The following CNTRL variants were observed in gnomAD, a reference collection of about 807,000 sequenced individuals.
The protein encoded by CNTRL is 110 kDa centrosomal protein.
Under a neutral mutation model 303.7 loss-of-function variants are expected in CNTRL, and 233 were observed. That is an observed-to-expected ratio of 0.77 (90% CI 0.69 to 0.86). The LOEUF (loss-of-function observed/expected upper bound fraction) is 0.86. Ranked by LOEUF, CNTRL falls within the 40% of genes least tolerant of loss-of-function variation. The pLI is 0.00. For missense variants in CNTRL, 2,524 were observed against 2,650.6 expected (o/e 0.95, Z 1.05); for synonymous variants, 900 against 922.2 (o/e 0.98, Z 0.44).
In CNTRL at chr9:121,090,391, G is replaced by A. The variant is rs775053654; in HGVS notation, c.334G>A (p.Gly112Ser). 6.2e-7 allele frequency: 1 copy of A among 1,610,166 alleles called. No individual in the cohort carries two copies. Among genetic ancestry groups the A allele is most frequent in the Non-Finnish European group, 8.5e-7 (1 of 1,178,592 alleles). The part of the protein sequence containing the change: ...SLNLSLSKDG[G>S]KKFKYIENLE... ...GAACCTTTCACTTTCTAAAGACGGT[G>A]GCAAGAAATTTAAGGTAGGTTACCA... Residue 112 changes from glycine to serine, a missense_variant, in exon 4 of 44, where the codon GGC becomes AGC. Physicochemically the swap from Gly to Ser is moderately conservative, Grantham distance 56. Coordinates refer to ENST00000373855, the MANE Select transcript of CNTRL (RefSeq NM_007018.6).
intron 14 of CNTRL, 75 bp from the exon 15 acceptor site, chr9:121,135,731 G>A (rs2051151003): frequency 5.7e-6 from 8 of 1,395,440 alleles, no homozygotes; most frequent in Non-Finnish European, 7.7e-6. Flanking sequence ...CAGTGCTCAA[G>A]TTACTTATAA....
intron 34 of CNTRL, among the ~76,000 whole-genome samples, chr9:121,162,862 G>T (rs1284056568): frequency 6.6e-6 from 1 of 152,088 alleles, no homozygotes; most frequent in Non-Finnish European, 1.5e-5. Flanking sequence ...CAATGGAACA[G>T]AATAGAAAGT....
At chr9:121,119,658 G>A (rs950397298) in intron 12 of CNTRL, among the ~76,000 whole-genome samples, 4 of 151,592 alleles carry the variant, frequency 2.6e-5, no homozygotes, top group Non-Finnish European at 5.9e-5. Context: ...ACCACACCCA[G>A]CTAATTTTTG....
chr9:121,082,841 G>A (rs575401302), intron 2 of CNTRL, among the ~76,000 whole-genome samples: 2 of 151,946 alleles, frequency 1.3e-5, no homozygotes, highest in African/African-American at 4.8e-5. Flanking sequence ...GTGGTGGCAC[G>A]TGCCTGTAGT....
At chr9:121,124,729 G>A (rs1029490580) in intron 13 of CNTRL, among the ~76,000 whole-genome samples, 7 of 150,636 alleles carry the variant, frequency 4.6e-5, no homozygotes, top group African/African-American at 1.5e-4. Context: ...TTTGAGCCCA[G>A]GAGTTCGAGA....
intron 29 of CNTRL, 47 bp from the exon 30 acceptor site, chr9:121,157,936 G>A (rs1020391982): frequency 1.9e-6 from 3 of 1,613,680 alleles, no homozygotes; most frequent in Non-Finnish European, 2.5e-6. Flanking sequence ...CAGCTCTGGG[G>A]TTCCGAGTCC....
intron 12 of CNTRL, among the ~76,000 whole-genome samples, chr9:121,122,886 T>C (rs1469085562): frequency 6.6e-6 from 1 of 152,104 alleles, no homozygotes; most frequent in Non-Finnish European, 1.5e-5. Flanking sequence ...TAAGTGTAGT[T>C]GTAGAGGGGT....
At chr9:121,169,484 T>C (rs1360588579) in intron 38 of CNTRL, 127 bp from the exon 39 acceptor site, 2 of 908,886 alleles carry the variant, frequency 2.2e-6, no homozygotes, top group East Asian at 5.2e-5. Flanking sequence ...TTGTACGACT[T>C]TGTAATGGAG....
intron 14 of CNTRL, among the ~76,000 whole-genome samples, chr9:121,133,833 C>G (rs1013171578): frequency 3.3e-5 from 5 of 152,148 alleles, no homozygotes; most frequent in African/African-American, 4.8e-5. Flanking sequence ...TTTTCCTGAA[C>G]CATTTGGAAA....
chr9:121,173,533 C>G lies in CNTRL; in HGVS notation c.6684+24C>G, dbSNP rs771872350. Reference sequence around the variant, plus strand: ...TGGTAAGGGTTTATCCTGCTATTCTCTGGGTTCGTAGGATTGACCACCTCC... The same window carrying G: ...TGGTAAGGGTTTATCCTGCTATTCTGTGGGTTCGTAGGATTGACCACCTCC... On this transcript the variant is annotated intron_variant, in intron 41 of 43. Transcript: ENST00000373855. 8.1e-6 allele frequency: 13 copies of G among 1,611,074 alleles called. No individual in the cohort carries two copies. The Admixed American group carries it at 1.5e-4, about 19-fold the overall frequency.
intron 9 of CNTRL, among the ~76,000 whole-genome samples, 169 bp downstream of exon 9, chr9:121,112,747 G>A (rs1018657032): frequency 2.0e-5 from 3 of 152,118 alleles, no homozygotes; most frequent in East Asian, 1.9e-4. Context: ...ATTTGGCTCC[G>A]GGAGTTAGAA....
intron 27 of CNTRL, among the ~76,000 whole-genome samples, chr9:121,156,341 A>T (rs1258036436): frequency 6.6e-6 from 1 of 152,164 alleles, no homozygotes; most frequent in Non-Finnish European, 1.5e-5. Context: ...CTTGGTAAGA[A>T]GGAGGAGGAG....
chr9:121,094,721 T>C (rs935062216), intron 4 of CNTRL, among the ~76,000 whole-genome samples, 167 bp from the exon 5 acceptor site: 8 of 152,136 alleles, frequency 5.3e-5, no homozygotes, highest in Admixed American at 3.3e-4. Flanking sequence ...AGTAGAGTTA[T>C]TACTCCTAGT....
At chr9:121,088,891 T>G (rs868173091) in intron 3 of CNTRL, among the ~76,000 whole-genome samples, 1 of 152,274 alleles carries the variant, frequency 6.6e-6, no homozygotes, top group African/African-American at 2.4e-5. Context: ...AAAAAAACGT[T>G]ATACATACTT....
intron 25 of CNTRL, among the ~76,000 whole-genome samples, chr9:121,151,547 C>T (rs561632445): frequency 3.9e-5 from 6 of 151,922 alleles, no homozygotes; most frequent in South Asian, 2.1e-4. Context: ...TACGCCACCA[C>T]GCCTGGCTAA....
intron 6 of CNTRL, among the ~76,000 whole-genome samples, chr9:121,097,799 C>T (rs2048954663): frequency 6.6e-6 from 1 of 152,100 alleles, no homozygotes; most frequent in Admixed American, 6.5e-5. Flanking sequence ...TGTCCTCACC[C>T]CATTGATATT....
chr9:121,087,346 G>C (rs763502394), intron 2 of CNTRL, among the ~76,000 whole-genome samples: 1 of 152,074 alleles, frequency 6.6e-6, no homozygotes, highest in Non-Finnish European at 1.5e-5. Flanking sequence ...ATATCACGTA[G>C]GCAATTGGAA....
chr9:121,141,254 A>G, intron 17 of CNTRL, 127 bp from the exon 18 acceptor site: 2 of 702,910 alleles, frequency 2.8e-6, no homozygotes, highest in South Asian at 1.9e-5. Context: ...TGGTCAGTAA[A>G]TTGCTATAGA....
intron 7 of CNTRL, among the ~76,000 whole-genome samples, chr9:121,105,812 A>G (rs1267220223): frequency 1.3e-5 from 2 of 152,230 alleles, no homozygotes; most frequent in Non-Finnish European, 2.9e-5. Context: ...GTGGGGACAG[A>G]TGCTAGATTA....
Sources: allele counts gnomAD v4.1 joint callset (sites outside exome capture counted in the v4.1 genomes callset), GRCh38; gene constraint gnomAD v4.1.1; transcripts MANE v1.5; gene names NCBI Gene and HGNC (gene_info 2026-07-23, HGNC 2026-07-21).